Variants in ZNF638 observed in about 807,000 individuals in gnomAD.
The protein encoded by ZNF638 is zinc finger protein 638, also known as CTCL tumor antigen se33-1.
In ZNF638, 46 loss-of-function variants were observed where a neutral mutation model predicts 195.6. That is an observed-to-expected ratio of 0.24 (90% confidence interval 0.19 to 0.30). ZNF638 has a LOEUF of 0.30. ZNF638 is among the 10% of genes least tolerant of loss of function. The pLI, the probability that ZNF638 is intolerant of heterozygous loss-of-function variation, is 1.00. For missense variants in ZNF638, 2,440 were observed against 2,325.3 expected (o/e 1.05, Z -1.01); for synonymous variants, 845 against 772.0 (o/e 1.09, Z -1.57).
At chr2:71,378,976 G>A (rs906858662) in intron 8 of ZNF638, among the ~76,000 whole-genome samples, 2 of 152,128 alleles carry the variant, frequency 1.3e-5, no homozygotes, top group Non-Finnish European at 2.9e-5. Context: ...ACTTTTAGAG[G>A]CCATTGTTAA....
At chr2:71,389,331 A>G (rs892483317) in intron 10 of ZNF638, among the ~76,000 whole-genome samples, 5 of 152,198 alleles carry the variant, frequency 3.3e-5, no homozygotes, top group Non-Finnish European at 7.3e-5. Context: ...ATATGAACCC[A>G]TTTCTTTTGA....
intron 1 of ZNF638, among the ~76,000 whole-genome samples, chr2:71,345,010 T>C (rs1036950295): frequency 1.3e-5 from 2 of 152,208 alleles, no homozygotes; most frequent in East Asian, 1.9e-4. Flanking sequence ...GGCTATACTT[T>C]CTGCAGTTAG....
intron 6 of ZNF638, among the ~76,000 whole-genome samples, chr2:71,366,856 T>G (rs1319409196): frequency 1.3e-5 from 2 of 152,196 alleles, no homozygotes; most frequent in African/African-American, 4.8e-5. Flanking sequence ...AGGTATTGTT[T>G]TATTGTATGT....
intron 2 of ZNF638, among the ~76,000 whole-genome samples, chr2:71,351,549 A>G (rs1293695032): frequency 6.6e-6 from 1 of 152,240 alleles, no homozygotes; most frequent in Non-Finnish European, 1.5e-5. Flanking sequence ...GGCATACCAC[A>G]TAATTTTTTT....
In ZNF638 at chr2:71,350,188, A is replaced by G. The variant is rs769864746; in HGVS notation, c.1234A>G (p.Met412Val). 1.9e-6 allele frequency: 3 copies of G among 1,611,578 alleles called. No individual in the cohort carries two copies. The highest frequency in any genetic ancestry group is 2.5e-6 in the Non-Finnish European group (3 of 1,180,030). ...QKMKRLPTPS[M>V]MNDYYAASPR... ...GATGAAGAGACTTCCAACTCCTTCT[A>G]TGATGAATGATTATTATGCAGCATC... Residue 412 changes from methionine (M) to valine (V), a missense_variant, in exon 2 of 28, where the codon ATG (methionine) becomes GTG (valine). Physicochemically the swap from Met to Val is conservative, Grantham distance 21. Around this residue, in one of 5 missense-constraint regions of ZNF638, gnomAD observed 305 missense variants for 283.6 expected, o/e 1.08. Transcript: ENST00000264447.
intron 22 of ZNF638, 31 bp from the exon 23 acceptor site, chr2:71,424,619 G>T: frequency 6.4e-7 from 1 of 1,551,274 alleles, no homozygotes; most frequent in Non-Finnish European, 8.8e-7. Flanking sequence ...TGTAAATTCC[G>T]TTTTTCTGTA....
At chr2:71,337,197 A>G (rs2078685754) in intron 1 of ZNF638, among the ~76,000 whole-genome samples, 1 of 151,240 alleles carries the variant, frequency 6.6e-6, no homozygotes, top group African/African-American at 2.4e-5. Flanking sequence ...AATGTTGGAC[A>G]TGAAATGTTG....
At chr2:71,355,632 A>G in intron 2 of ZNF638, 87 bp from the exon 3 acceptor site, 1 of 981,932 alleles carries the variant, frequency 1.0e-6, no homozygotes, top group Non-Finnish European at 1.5e-6. Context: ...TTTTTGAACA[A>G]AATATTATTT....
At chr2:71,359,298 G>C (rs950613072) in intron 3 of ZNF638, among the ~76,000 whole-genome samples, 2 of 152,160 alleles carry the variant, frequency 1.3e-5, no homozygotes, top group Non-Finnish European at 2.9e-5. Context: ...ATAATTCTCA[G>C]TCTGAGGCAA....
chr2:71,363,868 T>C, intron 4 of ZNF638, 86 bp from the exon 5 acceptor site: 1 of 1,464,248 alleles, frequency 6.8e-7, no homozygotes, highest in Non-Finnish European at 9.1e-7. Flanking sequence ...AACAGTCTGT[T>C]TTTAACAAGG....
intron 20 of ZNF638, among the ~76,000 whole-genome samples, chr2:71,411,474 A>ATTTTTTTTTT: frequency 8.1e-6 from 1 of 122,772 alleles, no homozygotes; most frequent in Non-Finnish European, 1.7e-5. Flanking sequence ...TTTATTTTTA[A>ATTTTTTTTTT]TTTTTTTTTT....
chr2:71,370,192 T>C (rs562673526), intron 8 of ZNF638, among the ~76,000 whole-genome samples, 187 bp downstream of exon 8: 2 of 152,186 alleles, frequency 1.3e-5, no homozygotes, highest in African/African-American at 2.4e-5. Context: ...ATATACAGTA[T>C]TAAATAACGA....
At chr2:71,407,201 T>C (rs992789273) in intron 19 of ZNF638, 3 of 152,146 alleles carry the variant, frequency 2.0e-5, no homozygotes, top group African/African-American at 7.2e-5. Flanking sequence ...AAGCACTTAA[T>C]TAACCAACAA....
intron 10 of ZNF638, among the ~76,000 whole-genome samples, chr2:71,390,979 C>A (rs868554324): frequency 2.0e-5 from 3 of 152,196 alleles, no homozygotes; most frequent in Admixed American, 6.5e-5. Flanking sequence ...TGTTGTTATT[C>A]TTCCCCTACC....
At chr2:71,424,556 T>G in intron 22 of ZNF638, 94 bp from the exon 23 acceptor site, 1 of 996,360 alleles carries the variant, frequency 1.0e-6, no homozygotes, top group South Asian at 1.5e-5. Flanking sequence ...TGGGTAATGT[T>G]TACTGTTTTT....
intron 22 of ZNF638, 73 bp downstream of exon 22, chr2:71,424,111 G>C: frequency 6.6e-7 from 1 of 1,520,298 alleles, no homozygotes; most frequent in Non-Finnish European, 8.8e-7. Context: ...TATGTAGTAG[G>C]AGATGTAATT....
intron 10 of ZNF638, 131 bp downstream of exon 10, chr2:71,380,696 C>T: frequency 1.6e-6 from 1 of 614,294 alleles, no homozygotes; most frequent in East Asian, 3.1e-5. Flanking sequence ...TTTAATTGGC[C>T]CCTGTATTAA....
chr2:71,363,573 A>G (rs1427611740), intron 4 of ZNF638, among the ~76,000 whole-genome samples: 1 of 152,232 alleles, frequency 6.6e-6, no homozygotes, highest in African/African-American at 2.4e-5. Flanking sequence ...AGATGGCATA[A>G]TCTTTCAGGA....
intron 20 of ZNF638, chr2:71,408,629 A>C: frequency 3.2e-6 from 1 of 317,098 alleles, no homozygotes; most frequent in South Asian, 2.9e-5. Flanking sequence ...ATTTATTATA[A>C]ACTGTTTTTG....
Sources: gnomAD v4.1 joint callset for allele counts (sites outside exome capture counted in the v4.1 genomes callset) on GRCh38, gnomAD v4.1.1 for gene constraint, gnomAD v4.1.1 regional missense constraint, MANE v1.5 for transcripts, NCBI Gene and HGNC (gene_info 2026-07-23, HGNC 2026-07-21) for gene names.